The following SARAF variants were observed in gnomAD, a reference collection of about 807,000 sequenced individuals.
SARAF encodes the protein store-operated calcium entry-associated regulatory factor.
SARAF carries 23 observed loss-of-function variants against 39.7 expected under a neutral mutation model. That is an observed-to-expected ratio of 0.58 (90% CI 0.42 to 0.82). The LOEUF is 0.82. Among genes scored for constraint, SARAF ranks in the 40% least tolerant of loss-of-function variants. The probability of loss-of-function intolerance (pLI) is 0.00; values close to 1 mark genes in which losing one functional copy is unlikely to be tolerated. For missense variants in SARAF, 384 were observed against 418.5 expected (o/e 0.92, Z 0.72); for synonymous variants, 175 against 168.5 (o/e 1.04, Z -0.30).
At chr8:30,079,169 A>G (rs1487882175) in intron 1 of SARAF, among the ~76,000 whole-genome samples, 1 of 151,610 alleles carries the variant, frequency 6.6e-6, no homozygotes, top group East Asian at 1.9e-4. Flanking sequence ...AAAAAAAAAA[A>G]AAAAAAAAAA....
intron 3 of SARAF, among the ~76,000 whole-genome samples, chr8:30,067,248 T>C (rs1178078917): frequency 6.6e-6 from 1 of 152,104 alleles, no homozygotes; most frequent in East Asian, 1.9e-4. Flanking sequence ...AAACTCTAAG[T>C]GGAGTCTCTA....
intron 1 of SARAF, among the ~76,000 whole-genome samples, chr8:30,078,561 A>G (rs1028251310): frequency 6.6e-5 from 10 of 152,210 alleles, no homozygotes; most frequent in African/African-American, 2.4e-4. Context: ...AAAAACTCTA[A>G]AGGAAAAAGT....
intron 1 of SARAF, among the ~76,000 whole-genome samples, chr8:30,074,976 A>G (rs750839388): frequency 4.6e-5 from 7 of 152,246 alleles, no homozygotes; most frequent in Non-Finnish European, 8.8e-5. Flanking sequence ...AGTCAAAACA[A>G]TAAAATTATG....
rs1336678542 is a variant in SARAF, at chr8:30,079,030, G to A, written c.103+3817C>T. Among the ~76,000 whole-genome samples the A allele has an allele frequency of 2.6e-5, 4 of 151,870 alleles. No homozygotes were observed. The East Asian group carries it at 5.8e-4, about 22-fold the overall frequency. ...AAATTAGCTGGACGTGGTGGCATAC[G>A]CCCGTAGTCCCAGCTACTTGGGAGG... is the stretch of plus-strand genomic sequence containing the variant. On this transcript the variant is annotated intron_variant, in intron 1 of 5. Coordinates refer to ENST00000256255, the MANE Select transcript of SARAF (RefSeq NM_016127.6).
At chr8:30,073,045 G>C (rs16876424) in intron 2 of SARAF, among the ~76,000 whole-genome samples, 9,413 of 152,170 alleles carry the variant, frequency 0.062, 365 homozygotes, top group African/African-American at 0.11. Context: ...CTATAACCCA[G>C]AGAATTCTAT....
chr8:30,069,780 C>T lies in SARAF; in HGVS notation c.562G>A (p.Val188Ile). ...TIVVLLGIAF[V>I]VYKLFLSDGQ... Reference sequence around the variant, plus strand: ...TCACTCAGGAACAGCTTATAGACTACAAACGCGATCCCAAGGAGTACCACA... The same window carrying T: ...TCACTCAGGAACAGCTTATAGACTATAAACGCGATCCCAAGGAGTACCACA... The change falls in exon 3 of 6, where the codon GTA becomes ATA. Residue 188 changes from valine to isoleucine, a missense_variant. Physicochemically the swap from Val to Ile is conservative, Grantham distance 29. Transcript: ENST00000256255. The T allele has an allele frequency of 1.2e-6, 2 of 1,614,134 alleles. No individual in the cohort carries two copies. Among genetic ancestry groups the T allele is most frequent in the Non-Finnish European group, 1.7e-6 (2 of 1,180,016 alleles).
At chr8:30,083,129 C>G (rs924187257), upstream of SARAF, 10 of 506,230 alleles carry the variant, frequency 2.0e-5, no homozygotes, top group Admixed American at 4.4e-5. Flanking sequence ...GCCGCTGCGG[C>G]CCGTGGGGCT....
chr8:30,067,734 C>T (rs1336100076), intron 3 of SARAF, among the ~76,000 whole-genome samples: 2 of 152,178 alleles, frequency 1.3e-5, no homozygotes, highest in Non-Finnish European at 2.9e-5. Flanking sequence ...GTGTCTTCCA[C>T]CGTGTGAAAA....
At chr8:30,073,080 A>T (rs1801881077) in intron 2 of SARAF, among the ~76,000 whole-genome samples, 1 of 152,130 alleles carries the variant, frequency 6.6e-6, no homozygotes, top group East Asian at 1.9e-4. Context: ...GTACTGGGGG[A>T]AAATATTGTG....
intron 1 of SARAF, among the ~76,000 whole-genome samples, chr8:30,081,393 A>G (rs1348271943): frequency 6.6e-6 from 1 of 152,272 alleles, no homozygotes; most frequent in Non-Finnish European, 1.5e-5. Context: ...TCAAAGTTCA[A>G]CAAATTAAAG....
chr8:30,064,549 A>T (rs1179068536), intron 5 of SARAF, among the ~76,000 whole-genome samples: 17,284 of 43,016 alleles, frequency 0.4, 4,968 homozygotes, highest in Non-Finnish European at 0.49. Context: ...ATATATATAT[A>T]TATATATATA....
rs1319036441 is a variant in SARAF, at chr8:30,064,547, A to ATTTTTTTTTT, written c.995-635_995-634insAAAAAAAAAA. Among the ~76,000 whole-genome samples, 9 of 37,006 alleles carry ATTTTTTTTTT rather than the reference A, an allele frequency of 2.4e-4. 1 individual carries two copies. Among genetic ancestry groups the ATTTTTTTTTT allele is most frequent in the Admixed American group, 7.2e-4 (2 of 2,778 alleles). The allele number at this position is 37,006 out of a possible 152,430, so 24.3% of individuals were successfully genotyped here. A position where few individuals can be genotyped will look rare whatever the true frequency, so the allele number is the denominator to read the frequency against. On this transcript the variant is annotated intron_variant, in intron 5 of 5. Coordinates refer to ENST00000256255, the MANE Select transcript of SARAF (RefSeq NM_016127.6). ...GTCTTACCTAGCCATATATATATAT[A>ATTTTTTTTTT]TATATATATATATATTTTTTTTTTT...
At chr8:30,074,931 T>A (rs1199723083) in intron 1 of SARAF, among the ~76,000 whole-genome samples, 1 of 152,128 alleles carries the variant, frequency 6.6e-6, no homozygotes, top group African/African-American at 2.4e-5. Flanking sequence ...AACTAAAAAA[T>A]TTAAAACATA....
At position 30,073,997 on chromosome 8, in the gene SARAF, G is replaced by C. The variant is rs1801902180; in HGVS notation, c.162C>G (p.Thr54=). The C allele has an allele frequency of 2.5e-6, 4 of 1,614,176 alleles. No homozygotes were observed. In the South Asian group the frequency reaches 4.4e-5, roughly 18 times the overall value. Residue 54 remains threonine, a synonymous_variant, in exon 2 of 6, where the codon ACC becomes ACG. Coordinates refer to ENST00000256255, the MANE Select transcript of SARAF (RefSeq NM_016127.6). The part of the protein sequence containing the change: ...ALTLHYDRYT[T]SRRLDPIPQL... Reference sequence around the variant, plus strand: ...GTGGGATGGGATCCAGCCTGCGGGAGGTGGTATAGCGGTCATAGTGGAGGG... The same window carrying C: ...GTGGGATGGGATCCAGCCTGCGGGACGTGGTATAGCGGTCATAGTGGAGGG...
chr8:30,080,393 T>C (rs1802070414), intron 1 of SARAF, among the ~76,000 whole-genome samples: 1 of 152,224 alleles, frequency 6.6e-6, no homozygotes, highest in Non-Finnish European at 1.5e-5. Flanking sequence ...AGGTTTCCAG[T>C]CAAATGTCAC....
chr8:30,075,981 T>TA (rs1491525634), intron 1 of SARAF, among the ~76,000 whole-genome samples: 1,888 of 7,348 alleles, frequency 0.26, 573 homozygotes, highest in South Asian at 0.56. Context: ...ACAGAATCCC[T>TA]AAAAAAAAAC....
At chr8:30,073,096 A>T (rs1801881573) in intron 2 of SARAF, among the ~76,000 whole-genome samples, 1 of 152,218 alleles carries the variant, frequency 6.6e-6, no homozygotes, top group African/African-American at 2.4e-5. Flanking sequence ...TTGTGAAGTA[A>T]GTATCACCCA....
chr8:30,081,803 G>A (rs1375117491), intron 1 of SARAF, among the ~76,000 whole-genome samples: 2 of 150,696 alleles, frequency 1.3e-5, no homozygotes, highest in African/African-American at 2.4e-5. Context: ...GTCAAAATCT[G>A]TATCTAAGTA....
At chr8:30,068,788 G>A (rs546785787) in intron 3 of SARAF, among the ~76,000 whole-genome samples, 25 of 152,110 alleles carry the variant, frequency 1.6e-4, no homozygotes, top group Admixed American at 7.2e-4. Context: ...CCGGAAATAC[G>A]TTTCGTAAAT....
Sources: allele counts gnomAD v4.1 joint callset (sites outside exome capture counted in the v4.1 genomes callset), GRCh38; gene constraint gnomAD v4.1.1; transcripts MANE v1.5; gene names NCBI Gene and HGNC (gene_info 2026-07-23, HGNC 2026-07-21).